ACOT2: variants seen among roughly 807,000 people sequenced by gnomAD.
ACOT2 encodes the protein acyl-coenzyme A thioesterase 2, mitochondrial.
ACOT2 carries 15 observed loss-of-function variants against 20.1 expected under a neutral mutation model. That is an observed-to-expected ratio of 0.75 (90% CI 0.50 to 1.15). The LOEUF (loss-of-function observed/expected upper bound fraction) is 1.15, where lower values mean the gene tolerates loss of function less well. Ranked by LOEUF, ACOT2 falls within the 50% of genes most tolerant of loss-of-function variation. The pLI is 0.00. For synonymous variants in ACOT2, 252 were observed against 268.4 expected, an observed-to-expected ratio of 0.94 and a Z score of 0.60; for missense variants, 479 against 615.3, an observed-to-expected ratio of 0.78 and a Z score of 2.34.
chr14:73,570,298 A>G (rs1220108846), intron 1 of ACOT2, among the ~76,000 whole-genome samples: 3 of 151,690 alleles, frequency 2.0e-5, no homozygotes, highest in Non-Finnish European at 2.9e-5. Context: ...GGCCAGGCGC[A>G]GTGGCTCACG....
At chr14:73,573,322 T>C in intron 1 of ACOT2, 66 bp from the exon 2 acceptor site, 2 of 1,608,196 alleles carry the variant, frequency 1.2e-6, no homozygotes, top group Non-Finnish European at 1.7e-6. Context: ...AGTATATGTT[T>C]AACTTAAACC....
rs1393203595 is a variant in ACOT2 at position 73,569,832 on chromosome 14, C to T, written c.592C>T (p.Arg198Cys). 6 of 1,598,488 alleles carry T rather than the reference C, an allele frequency of 3.8e-6. 1 individual carries two copies. Among genetic ancestry groups the T allele is most frequent in the Non-Finnish European group, 5.1e-6 (6 of 1,174,014 alleles). Residue 198 changes from arginine to cysteine, a missense_variant, in exon 1 of 3, where the codon CGC (arginine) becomes TGC (cysteine). This residue lies in a region of ACOT2 where 400 missense variants were observed against 395.5 expected (regional missense o/e 1.01). Transcript: ENST00000238651. Reference protein sequence around the residue: ...ERYFLPPGVRREPVRVGRVRG... With the variant: ...ERYFLPPGVRCEPVRVGRVRG... ...CTACTTCCTCCCGCCCGGGGTGCGGCGCGAGCCGGTGCGCGTGGGCCGGGT... is the reference window on the plus strand; with the variant it reads ...CTACTTCCTCCCGCCCGGGGTGCGGTGCGAGCCGGTGCGCGTGGGCCGGGT...
intron 1 of ACOT2, among the ~76,000 whole-genome samples, chr14:73,571,945 T>C (rs1419181539): frequency 1.3e-5 from 2 of 151,508 alleles, no homozygotes; most frequent in Non-Finnish European, 2.9e-5. Flanking sequence ...TTATTAATAA[T>C]CAAAGAAATG....
At position 73,569,693 on chromosome 14, in the gene ACOT2, T is replaced by G. The variant is rs781423590; in HGVS notation, c.453T>G (p.Pro151=). ...TCTGGGCCTTGGAGCCCGAGAAACC[T>G]TTGGTGCGGCTGGTGAAGCGCGACG... The part of the protein sequence containing the change: ...GLLWALEPEK[P]LVRLVKRDVR... Residue 151 remains proline, a synonymous_variant, in exon 1 of 3, where the codon CCT becomes CCG. Coordinates refer to ENST00000238651, the MANE Select transcript of ACOT2 (RefSeq NM_006821.6). The G allele has an allele frequency of 1.2e-6, 2 of 1,609,958 alleles. No homozygotes were observed. The highest frequency in any genetic ancestry group is 4.5e-5 in the East Asian group (2 of 44,826).
intron 2 of ACOT2, among the ~76,000 whole-genome samples, chr14:73,573,975 C>T (rs528461612): frequency 2.6e-4 from 40 of 152,088 alleles, no homozygotes; most frequent in African/African-American, 7.9e-4. Context: ...GATCCACCTG[C>T]TTTGACCTAC....
In ACOT2 at chr14:73,569,637, A is replaced by G. The variant is rs1319964482; in HGVS notation, c.397A>G (p.Ser133Gly). The G allele has an allele frequency of 1.2e-6, 2 of 1,603,040 alleles. No homozygotes were observed. The highest frequency in any genetic ancestry group is 1.7e-6 in the Non-Finnish European group (2 of 1,176,400). ...DLERAPALGG[S>G]FAGLEPMGLL... ...GGAGCGCGCGCCCGCGCTGGGCGGC[A>G]GCTTCGCGGGGCTTGAGCCCATGGG... is the stretch of plus-strand genomic sequence containing the variant. Residue 133 changes from serine (S) to glycine (G), a missense_variant, in exon 1 of 3, where the codon AGC (serine) becomes GGC (glycine). Ser to Gly is a moderately conservative substitution (Grantham distance 56). Around this residue, in one of 4 missense-constraint regions of ACOT2, gnomAD observed 400 missense variants for 395.5 expected, o/e 1.01. Transcript: ENST00000238651.
chr14:73,572,074 C>A (rs975369262), intron 1 of ACOT2, among the ~76,000 whole-genome samples: 2 of 149,488 alleles, frequency 1.3e-5, no homozygotes, highest in Admixed American at 1.4e-4. Context: ...GAAGGAGCAA[C>A]ATATTCATCT....
intron 1 of ACOT2, 74 bp downstream of exon 1, chr14:73,569,957 C>A: frequency 2.7e-6 from 4 of 1,504,608 alleles, no homozygotes; most frequent in Non-Finnish European, 3.5e-6. Flanking sequence ...CCACGCTTTT[C>A]GCTTATGTGT....
intron 2 of ACOT2, among the ~76,000 whole-genome samples, chr14:73,573,869 G>C (rs1889818909): frequency 6.6e-6 from 1 of 151,984 alleles, no homozygotes; most frequent in African/African-American, 2.4e-5. Flanking sequence ...TGGGATTACA[G>C]GCACCTGCCA....
At chr14:73,572,915 G>A (rs1220240511) in intron 1 of ACOT2, among the ~76,000 whole-genome samples, 10 of 150,758 alleles carry the variant, frequency 6.6e-5, no homozygotes, top group Non-Finnish European at 1.3e-4. Flanking sequence ...CAAAGTGCTG[G>A]GGTTACAGGC....
At chr14:73,570,082 C>T (rs1889692969) in intron 1 of ACOT2, among the ~76,000 whole-genome samples, 199 bp downstream of exon 1, 1 of 151,102 alleles carries the variant, frequency 6.6e-6, no homozygotes, top group South Asian at 2.1e-4. Context: ...GGTGAGCCAC[C>T]GCGCCCGGCA....
intron 1 of ACOT2, among the ~76,000 whole-genome samples, chr14:73,573,158 A>G (rs1361381372): frequency 1.3e-5 from 2 of 151,498 alleles, no homozygotes; most frequent in African/African-American, 2.4e-5. Context: ...AAATGGATTC[A>G]TTCACCAGTT....
rs201794663 is a variant in ACOT2 at position 73,569,827 on chromosome 14, T to A, written c.587T>A (p.Val196Glu). 6.2e-4 allele frequency: 997 copies of A among 1,598,206 alleles called. 9 individuals are homozygous for A. The highest frequency in any genetic ancestry group is 7.1e-4 in the Non-Finnish European group (833 of 1,174,052). Residue 196 changes from valine (V) to glutamate (E), a missense_variant, in exon 1 of 3, where the codon GTG becomes GAG. Physicochemically the swap from Val to Glu is moderately radical, Grantham distance 121. Transcript: ENST00000238651. ...GAGCGCTACTTCCTCCCGCCCGGGG[T>A]GCGGCGCGAGCCGGTGCGCGTGGGC... ...RHERYFLPPG[V>E]RREPVRVGRV...
chr14:73,569,035 T>G, upstream of ACOT2: 1 of 644,996 alleles, frequency 1.6e-6, no homozygotes. Flanking sequence ...GTCCAGCCCA[T>G]TCCGCAGGCC....
At chr14:73,573,616 G>A (rs1262580710) in intron 2 of ACOT2, 26 bp downstream of exon 2, 1 of 1,612,386 alleles carries the variant, frequency 6.2e-7, no homozygotes, top group African/African-American at 1.3e-5. Context: ...AGATTTATGG[G>A]CTATGATGTA....
At chr14:73,573,663 A>C in intron 2 of ACOT2, 73 bp downstream of exon 2, 1 of 1,562,314 alleles carries the variant, frequency 6.4e-7, no homozygotes, top group Non-Finnish European at 8.8e-7. Context: ...TTTTCACAGA[A>C]GTTAGCTCAT....
rs547365671 is a variant in ACOT2 at position 73,571,666 on chromosome 14, G to GTC, written c.644-1721_644-1720dup. 159 of 151,660 alleles carry GTC rather than the reference G, an allele frequency of 1.0e-3. 3 individuals are homozygous for GTC. The Admixed American group carries it at 0.01, about 10-fold the overall frequency. The allele number at this position is 151,660 out of a possible 1,614,324, so 9.4% of individuals were successfully genotyped here. ...TGGAAGCTGCCAGCACGCGGTCCCT[G>GTC]TCCATCAGCACACGCGTGGGCTGTG... On this transcript the variant is annotated intron_variant, in intron 1 of 2. Transcript: ENST00000238651.
At position 73,575,613 on chromosome 14, in the gene ACOT2, C is replaced by T. The variant is rs14290; in HGVS notation, c.*100C>T. The T allele has an allele frequency of 0.05, 78,944 of 1,563,678 alleles. 2,284 individuals are homozygous for T. Among genetic ancestry groups the T allele is most frequent in the African/African-American group, 0.12 (8,820 of 72,302 alleles). On this transcript the variant is annotated 3_prime_UTR_variant, in exon 3 of 3. Transcript: ENST00000238651. ...GTATTCATTCTTTTGTTTTTAATAA[C>T]TAAAGTTTTTTCCCCTCATTATTAA...
chr14:73,569,165 C>G (rs1246510064), upstream of ACOT2: 3 of 1,552,344 alleles, frequency 1.9e-6, no homozygotes, highest in East Asian at 4.5e-5. Flanking sequence ...ATCGGCTGGA[C>G]TCTGGCCTTC....
Sources: gnomAD v4.1 joint callset for allele counts (sites outside exome capture counted in the v4.1 genomes callset) on GRCh38, gnomAD v4.1.1 for gene constraint, gnomAD v4.1.1 regional missense constraint, MANE v1.5 for transcripts, NCBI Gene and HGNC (gene_info 2026-07-23, HGNC 2026-07-21) for gene names.